The following FOXO3 variants were observed in gnomAD, a reference collection of about 807,000 sequenced individuals.
The protein encoded by FOXO3 is forkhead box protein O3.
In FOXO3, 4 loss-of-function variants were observed where a neutral mutation model predicts 41.9. The observed-to-expected ratio is 0.10, with a 90% CI of 0.05 to 0.22. The LOEUF (loss-of-function observed/expected upper bound fraction) is 0.22, where lower values mean the gene tolerates loss of function less well. FOXO3 is among the 10% of genes least tolerant of loss of function. The pLI, the probability that FOXO3 is intolerant of heterozygous loss-of-function variation, is 1.00. For missense variants in FOXO3, 534 were observed against 906.8 expected, an observed-to-expected ratio of 0.59 and a Z score of 5.28; for synonymous variants, 318 against 389.3, an observed-to-expected ratio of 0.82 and a Z score of 2.16.
chr6:108,660,347 C>T lies in FOXO3; in HGVS notation c.622-3108C>T, dbSNP rs77676221. On this transcript the variant is annotated intron_variant, in intron 1 of 2. Transcript: ENST00000406360. The stretch of plus-strand genomic sequence containing the variant: ...AGATGCCATTATTCTTTTTAAAAAC[C>T]GTAAAAGGAATCAGGATATATAGTC... 3.6e-4 allele frequency among the ~76,000 whole-genome samples: 55 copies of T among 152,126 alleles called. 1 individual carries two copies. The East Asian group carries it at 0.01, about 28-fold the overall frequency.
At chr6:108,573,885 G>A (rs377628504) in intron 1 of FOXO3, among the ~76,000 whole-genome samples, 6 of 152,168 alleles carry the variant, frequency 3.9e-5, no homozygotes, top group African/African-American at 7.2e-5. Flanking sequence ...CGGGCGCGGC[G>A]GCTCACGCCT....
chr6:108,658,880 G>GTTTTTTTGTTTGTTTTTTGT lies in FOXO3; in HGVS notation c.622-4560_622-4559insTTTGTTTTTTTTGTTTGTTT, dbSNP rs372507099. ...TTTGTTTGCTTTTTGGGGTTTTTGT[G>GTTTTTTTGTTTGTTTTTTGT]TTTTTTTGTTTGTTTGTTTTTTGAG... On this transcript the variant is annotated intron_variant, in intron 1 of 2. Coordinates refer to ENST00000406360, the MANE Select transcript of FOXO3 (RefSeq NM_001455.4). Among the ~76,000 whole-genome samples the GTTTTTTTGTTTGTTTTTTGT allele has an allele frequency of 8.5e-3, 1,276 of 150,948 alleles. 11 individuals are homozygous for GTTTTTTTGTTTGTTTTTTGT. Among genetic ancestry groups the GTTTTTTTGTTTGTTTTTTGT allele is most frequent in the Middle Eastern group, 0.022 (6 of 278 alleles).
At chr6:108,566,070 T>C (rs1199436586) in intron 1 of FOXO3, among the ~76,000 whole-genome samples, 1 of 152,190 alleles carries the variant, frequency 6.6e-6, no homozygotes, top group Non-Finnish European at 1.5e-5. Context: ...TCAACTAATA[T>C]ACTTCCTCTT....
chr6:108,679,214 T>G (rs1770751632), intron 2 of FOXO3, among the ~76,000 whole-genome samples: 1 of 152,130 alleles, frequency 6.6e-6, no homozygotes, highest in Admixed American at 6.5e-5. Context: ...AATTACTTAC[T>G]CTTTTTATGG....
intron 2 of FOXO3, among the ~76,000 whole-genome samples, chr6:108,671,010 G>A (rs1779202204): frequency 1.3e-5 from 2 of 152,258 alleles, no homozygotes; most frequent in Admixed American, 6.5e-5. Context: ...GCGTGGCCTA[G>A]TGGAGAAAGT....
At chr6:108,571,323 C>G (rs1356462453) in intron 1 of FOXO3, among the ~76,000 whole-genome samples, 1 of 152,152 alleles carries the variant, frequency 6.6e-6, no homozygotes, top group Non-Finnish European at 1.5e-5. Context: ...GGTTTCTCAC[C>G]TCCCTCCACT....
chr6:108,645,195 A>T (rs1444718659), intron 1 of FOXO3, among the ~76,000 whole-genome samples: 1 of 152,208 alleles, frequency 6.6e-6, no homozygotes, highest in African/African-American at 2.4e-5. Context: ...AAGTTAGAAA[A>T]GCATAAACTT....
chr6:108,624,751 G>T (rs1777762877), intron 1 of FOXO3, among the ~76,000 whole-genome samples: 1 of 152,050 alleles, frequency 6.6e-6, no homozygotes, highest in African/African-American at 2.4e-5. Context: ...GTGGAAATGG[G>T]TGCTGGTGTT....
chr6:108,643,749 G>A (rs1254686947), intron 1 of FOXO3, among the ~76,000 whole-genome samples: 1 of 152,188 alleles, frequency 6.6e-6, no homozygotes, highest in Non-Finnish European at 1.5e-5. Context: ...CTAATTAACA[G>A]TGCTATCGTC....
chr6:108,674,992 AAATC>A (rs1419705780), intron 2 of FOXO3, among the ~76,000 whole-genome samples: 2 of 152,162 alleles, frequency 1.3e-5, no homozygotes, highest in Non-Finnish European at 2.9e-5. Flanking sequence ...TATTGACAGT[AAATC>A]AATACCTGTC....
chr6:108,574,448 A>G (rs1776206772), intron 1 of FOXO3, among the ~76,000 whole-genome samples: 1 of 152,186 alleles, frequency 6.6e-6, no homozygotes, highest in African/African-American at 2.4e-5. Context: ...ACGTAGATGA[A>G]TGCAGGCAGC....
Position 108,680,737 on chromosome 6 carries a change from A to T in FOXO3, c.*945A>T, listed in dbSNP as rs1246961727. ...AATGTCACTAAAGGGTTTAGTTTTA[A>T]GGAGAAAGAAAAGGAAAAAAAAAAA... On this transcript the variant is annotated 3_prime_UTR_variant, in exon 3 of 3. Coordinates refer to ENST00000406360, the MANE Select transcript of FOXO3 (RefSeq NM_001455.4). The T allele has an allele frequency of 7.2e-6, 1 of 138,384 alleles. No homozygotes were observed. Among genetic ancestry groups the T allele is most frequent in the Non-Finnish European group, 1.6e-5 (1 of 62,790 alleles). 8.6% of individuals were successfully genotyped at this position (138,384 alleles called of 1,614,324 possible).
Position 108,663,837 on chromosome 6 carries a change from A to G in FOXO3, c.1004A>G (p.Glu335Gly), listed in dbSNP as rs1389934211. Reference sequence around the variant, plus strand: ...ATCATGGCAAGCACAGAGTTGGATGAAGTCCAGGACGATGATGCGCCTCTC... The same window carrying G: ...ATCATGGCAAGCACAGAGTTGGATGGAGTCCAGGACGATGATGCGCCTCTC... ...SPIMASTELD[E>G]VQDDDAPLSP... The change falls in exon 2 of 3, where the codon GAA becomes GGA. Residue 335 changes from glutamate (E) to glycine (G), a missense_variant. Glu to Gly is a moderately conservative substitution (Grantham distance 98). Transcript: ENST00000406360. 3.1e-6 allele frequency: 5 copies of G among 1,613,734 alleles called. No individual in the cohort carries two copies. The highest frequency in any genetic ancestry group is 4.2e-6 in the Non-Finnish European group (5 of 1,179,788).
intron 1 of FOXO3, among the ~76,000 whole-genome samples, chr6:108,580,059 T>C (rs1180122913): frequency 6.6e-6 from 1 of 152,176 alleles, no homozygotes; most frequent in Non-Finnish European, 1.5e-5. Context: ...GGGTGTGATG[T>C]ATACAGTCAT....
intron 1 of FOXO3, 134 bp from the exon 2 acceptor site, chr6:108,663,321 T>C (rs1778927315): frequency 7.4e-7 from 1 of 1,358,716 alleles, no homozygotes; most frequent in Non-Finnish European, 9.8e-7. Context: ...CATTCCAGCA[T>C]GGGCAGCAGA....
intron 1 of FOXO3, among the ~76,000 whole-genome samples, chr6:108,586,294 G>T (rs1434153148): frequency 1.3e-5 from 2 of 152,162 alleles, no homozygotes; most frequent in Non-Finnish European, 2.9e-5. Flanking sequence ...CTTATGTTAT[G>T]CCTTTAAATG....
At chr6:108,586,206 A>G (rs192336081) in intron 1 of FOXO3, among the ~76,000 whole-genome samples, 16 of 152,354 alleles carry the variant, frequency 1.1e-4, no homozygotes, top group Admixed American at 7.2e-4. Context: ...CTTGACAGGC[A>G]CCAGAATTAG....
intron 1 of FOXO3, among the ~76,000 whole-genome samples, chr6:108,638,269 T>G (rs1283009163): frequency 8.5e-5 from 13 of 152,246 alleles, no homozygotes; most frequent in Admixed American, 8.5e-4. Flanking sequence ...CTGGACCTTG[T>G]GTCCCCCTTT....
chr6:108,667,092 C>G (rs1296566096), intron 2 of FOXO3, among the ~76,000 whole-genome samples: 1 of 152,146 alleles, frequency 6.6e-6, no homozygotes, highest in Non-Finnish European at 1.5e-5. Flanking sequence ...TGTTGTGATG[C>G]TAAAGCCTCT....
Sources: gnomAD v4.1 joint callset for allele counts (sites outside exome capture counted in the v4.1 genomes callset) on GRCh38, gnomAD v4.1.1 for gene constraint, MANE v1.5 for transcripts, NCBI Gene and HGNC (gene_info 2026-07-23, HGNC 2026-07-21) for gene names.